CHAF1A: variants seen among roughly 807,000 people sequenced by gnomAD.
CHAF1A encodes CAF-1 subunit A.
In CHAF1A, 5 loss-of-function variants were observed where a neutral mutation model predicts 93.2. The ratio of observed to expected loss-of-function variants is 0.05; its 90% CI spans 0.03 to 0.11. The LOEUF is 0.11. Ranked by LOEUF, CHAF1A falls within the 10% of genes least tolerant of loss-of-function variation. The pLI is 1.00. For synonymous variants in CHAF1A, 504 were observed against 510.3 expected, an observed-to-expected ratio of 0.99 and a Z score of 0.17; for missense variants, 1,102 against 1,259.9, an observed-to-expected ratio of 0.87 and a Z score of 1.90.
At chr19:4,424,526 C>G (rs1974046276) in intron 7 of CHAF1A, among the ~76,000 whole-genome samples, 1 of 152,210 alleles carries the variant, frequency 6.6e-6, no homozygotes, top group African/African-American at 2.4e-5. Flanking sequence ...TGCAGTTGCA[C>G]AATCAAAGCT....
intron 5 of CHAF1A, 143 bp from the exon 6 acceptor site, chr19:4,423,191 TA>T: frequency 8.1e-7 from 1 of 1,229,088 alleles, no homozygotes; most frequent in South Asian, 1.7e-5. Context: ...AAGACCTATG[TA>T]AAAGCCTTAT....
At chr19:4,434,905 C>T (rs1568181635) in intron 13 of CHAF1A, among the ~76,000 whole-genome samples, 1 of 152,024 alleles carries the variant, frequency 6.6e-6, no homozygotes, top group Non-Finnish European at 1.5e-5. Context: ...GGCACAAGCG[C>T]ATGGAGCCCT....
rs1003954105 is a variant in CHAF1A, at chr19:4,443,001, C to T, written c.2847C>T (p.Thr949=). ...VGVDTGKATL[T]ASPLGAS ...TGGACACCGGCAAGGCCACCCTGACCGCGAGCCCACTGGGTGCATCCTGAG... is the reference window on the plus strand; with the variant it reads ...TGGACACCGGCAAGGCCACCCTGACTGCGAGCCCACTGGGTGCATCCTGAG... The change falls in exon 15 of 15, where the codon ACC becomes ACT. Residue 949 remains threonine, a synonymous_variant. Transcript: ENST00000301280. The T allele has an allele frequency of 8.1e-6, 13 of 1,596,554 alleles. No individual in the cohort carries two copies. The highest frequency in any genetic ancestry group is 1.8e-5 in the Admixed American group (1 of 56,970).
chr19:4,420,125 T>C (rs1309863848), intron 4 of CHAF1A, among the ~76,000 whole-genome samples: 1 of 152,164 alleles, frequency 6.6e-6, no homozygotes, highest in East Asian at 1.9e-4. Flanking sequence ...AGGGCAGATA[T>C]CCTAACCCAA....
At chr19:4,431,188 G>A (rs139445863) in intron 11 of CHAF1A, 2,071 of 153,528 alleles carry the variant, frequency 0.013, 30 homozygotes, top group Non-Finnish European at 0.018. Context: ...GAGTGCAATG[G>A]CCCGGTGTTG....
intron 2 of CHAF1A, 166 bp from the exon 3 acceptor site, chr19:4,408,737 G>T (rs1426600012): frequency 3.8e-6 from 3 of 795,850 alleles, no homozygotes; most frequent in East Asian, 5.3e-5. Flanking sequence ...CCTCCCCAAA[G>T]TGCTGGGATT....
intron 1 of CHAF1A, among the ~76,000 whole-genome samples, chr19:4,403,674 A>C (rs1973628888): frequency 6.6e-6 from 1 of 152,172 alleles, no homozygotes; most frequent in Non-Finnish European, 1.5e-5. Context: ...AGCCCCTCTC[A>C]CCATGCCTTA....
At chr19:4,410,386 C>CT (rs71166992) in intron 3 of CHAF1A, among the ~76,000 whole-genome samples, 4,585 of 137,448 alleles carry the variant, frequency 0.033, 231 homozygotes, top group African/African-American at 0.099. Context: ...AAAAAAATTA[C>CT]TTTTTTTTTT....
In CHAF1A at chr19:4,414,781, T is replaced by C. The variant is rs537615800; in HGVS notation, c.961-3239T>C. Reference sequence around the variant, plus strand: ...CTTCCTTCTACAAGTGGCCTTGGGCTGTTAAGGAGAATGAGGTCTTGGTAG... The same window carrying C: ...CTTCCTTCTACAAGTGGCCTTGGGCCGTTAAGGAGAATGAGGTCTTGGTAG... On this transcript the variant is annotated intron_variant, in intron 3 of 14. Coordinates refer to ENST00000301280, the MANE Select transcript of CHAF1A (RefSeq NM_005483.3). 1.1e-4 allele frequency among the ~76,000 whole-genome samples: 16 copies of C among 152,304 alleles called. No individual in the cohort carries two copies. The South Asian group carries it at 3.3e-3, about 32-fold the overall frequency.
At chr19:4,446,825 T>C (rs754300067), downstream of CHAF1A, 4 of 1,613,988 alleles carry the variant, frequency 2.5e-6, no homozygotes, top group Admixed American at 1.7e-5. Flanking sequence ...AGCCAGGCCC[T>C]GTCCACTTAC....
chr19:4,403,538 AG>A (rs1171996949), intron 1 of CHAF1A, among the ~76,000 whole-genome samples: 3 of 152,286 alleles, frequency 2.0e-5, no homozygotes, highest in African/African-American at 7.2e-5. Context: ...GAACGAATGA[AG>A]GGCTAGAATG....
At chr19:4,408,192 C>CTT (rs201044725) in intron 2 of CHAF1A, among the ~76,000 whole-genome samples, 2 of 136,604 alleles carry the variant, frequency 1.5e-5, no homozygotes, top group African/African-American at 2.7e-5. Flanking sequence ...CCTGCCCCGT[C>CTT]TTTTTTTTTT....
At chr19:4,441,254 T>G (rs1335663636) in intron 13 of CHAF1A, among the ~76,000 whole-genome samples, 1 of 151,828 alleles carries the variant, frequency 6.6e-6, no homozygotes, top group Non-Finnish European at 1.5e-5. Flanking sequence ...GAGTCAGAAG[T>G]TGCAGTGAGC....
chr19:4,446,515 C>G (rs139717823), downstream of CHAF1A: 166 of 1,610,194 alleles, frequency 1.0e-4, 1 homozygote, highest in African/African-American at 2.0e-3. Context: ...CCTCTGCTCC[C>G]GCTTGATCTC....
At chr19:4,416,222 T>C (rs908499502) in intron 3 of CHAF1A, among the ~76,000 whole-genome samples, 13 of 152,316 alleles carry the variant, frequency 8.5e-5, no homozygotes, top group South Asian at 6.2e-4. Flanking sequence ...CCTCAGACCA[T>C]TGCCAGGAAA....
Position 4,430,549 on chromosome 19 carries a change from G to T in CHAF1A, c.1855G>T (p.Asp619Tyr). The T allele has an allele frequency of 6.4e-7, 1 of 1,557,932 alleles. No homozygotes were observed. Among genetic ancestry groups the T allele is most frequent in the Non-Finnish European group, 8.9e-7 (1 of 1,129,084 alleles). The change falls in exon 11 of 15, where the codon GAT (aspartate) becomes TAT (tyrosine). Residue 619 changes from aspartate to tyrosine, a missense_variant and splice_region_variant. Physicochemically the swap from Asp to Tyr is radical, Grantham distance 160 (BLOSUM62 -3). Around this residue, in one of 6 missense-constraint regions of CHAF1A, gnomAD observed 335 missense variants for 361.9 expected, o/e 0.93. Transcript: ENST00000301280. ...PGESLSHSEGDDDDDMGEDED... is the reference protein window; with the variant it reads ...PGESLSHSEGYDDDDMGEDED... ...ACTCTTTTTTTTTTCTCCTTTTGAG[G>T]ATGATGATGACGACATGGGAGAGGA...
chr19:4,435,051 T>C (rs1974256898), intron 13 of CHAF1A, among the ~76,000 whole-genome samples: 1 of 151,478 alleles, frequency 6.6e-6, no homozygotes, highest in Non-Finnish European at 1.5e-5. Flanking sequence ...TACCACACAG[T>C]GTTCGGAAGT....
chr19:4,437,973 C>G (rs1193249663), intron 13 of CHAF1A, among the ~76,000 whole-genome samples: 1 of 152,102 alleles, frequency 6.6e-6, no homozygotes, highest in Admixed American at 6.6e-5. Flanking sequence ...GATCTCCTGA[C>G]CTTGTGATCT....
chr19:4,424,742 C>A (rs1421316599), intron 7 of CHAF1A, among the ~76,000 whole-genome samples: 1 of 152,222 alleles, frequency 6.6e-6, no homozygotes, highest in Non-Finnish European at 1.5e-5. Context: ...TCCAGTGATT[C>A]TTCTGTGTCA....
Sources: gnomAD v4.1 joint callset for allele counts (sites outside exome capture counted in the v4.1 genomes callset) on GRCh38, gnomAD v4.1.1 for gene constraint, gnomAD v4.1.1 regional missense constraint, MANE v1.5 for transcripts, NCBI Gene and HGNC (gene_info 2026-07-23, HGNC 2026-07-21) for gene names.